ARHGAP26: variants seen among roughly 807,000 people sequenced by gnomAD.
The protein encoded by ARHGAP26 is Rho GTPase activating protein 26, also known as rho GTPase-activating protein 26.
A neutral mutation model predicts 104.8 loss-of-function variants in ARHGAP26; 38 were observed. That is an observed-to-expected ratio of 0.36 (90% CI 0.28 to 0.48). The LOEUF (loss-of-function observed/expected upper bound fraction) is 0.48. Among genes scored for constraint, ARHGAP26 ranks in the 20% least tolerant of loss-of-function variants. The probability of loss-of-function intolerance (pLI) is 0.99; values close to 1 mark genes in which losing one functional copy is unlikely to be tolerated. For synonymous variants in ARHGAP26, 341 were observed against 340.0 expected (o/e 1.00, Z -0.03); for missense variants, 704 against 947.9 (o/e 0.74, Z 3.38).
At chr5:142,793,548 A>G (rs1760320645) in intron 1 of ARHGAP26, among the ~76,000 whole-genome samples, 1 of 151,830 alleles carries the variant, frequency 6.6e-6, no homozygotes, top group East Asian at 1.9e-4. Flanking sequence ...AGGCAGTGCT[A>G]GTTATCACCA....
At chr5:142,850,546 G>A (rs1414579076) in intron 1 of ARHGAP26, among the ~76,000 whole-genome samples, 3 of 152,148 alleles carry the variant, frequency 2.0e-5, no homozygotes, top group East Asian at 3.8e-4. Context: ...ACAAACTTTC[G>A]AAGTTATTAG....
intron 10 of ARHGAP26, among the ~76,000 whole-genome samples, chr5:142,931,794 G>A (rs562237487): frequency 4.6e-5 from 7 of 152,250 alleles, no homozygotes; most frequent in Middle Eastern, 3.4e-3. Context: ...ACTCCTCTAC[G>A]TCCCTTACCT....
chr5:142,786,147 A>ATT (rs35617606), intron 1 of ARHGAP26, among the ~76,000 whole-genome samples: 10 of 138,754 alleles, frequency 7.2e-5, no homozygotes, highest in South Asian at 2.3e-4. Flanking sequence ...ATTAAAAAAC[A>ATT]TTTTTTTTTT....
At chr5:142,883,895 A>T (rs1474274016) in intron 4 of ARHGAP26, among the ~76,000 whole-genome samples, 1 of 152,140 alleles carries the variant, frequency 6.6e-6, no homozygotes, top group Non-Finnish European at 1.5e-5. Flanking sequence ...GAGGGTTGGG[A>T]CCATTTTTGT....
chr5:143,110,418 G>A (rs570371791), intron 17 of ARHGAP26, among the ~76,000 whole-genome samples: 1 of 152,166 alleles, frequency 6.6e-6, no homozygotes, highest in African/African-American at 2.4e-5. Context: ...CACTTTCTTC[G>A]TTGGGTAGAA....
At chr5:142,774,503 C>T (rs995514607) in intron 1 of ARHGAP26, among the ~76,000 whole-genome samples, 1 of 151,976 alleles carries the variant, frequency 6.6e-6, no homozygotes, top group Non-Finnish European at 1.5e-5. Context: ...CATACCTGTC[C>T]CTTCCAGTTG....
rs1554195775 is a variant in ARHGAP26 at position 143,012,577 on chromosome 5, T to TATATATATA, written c.1108-1501_1108-1500insATATATAAT. Among the ~76,000 whole-genome samples, 38 of 19,096 alleles carry TATATATATA rather than the reference T, an allele frequency of 2.0e-3. 2 individuals are homozygous for TATATATATA. Among genetic ancestry groups the TATATATATA allele is most frequent in the African/African-American group, 3.8e-3 (36 of 9,382 alleles). 12.5% of individuals were successfully genotyped at this position (19,096 alleles called of 152,430 possible). A position where few individuals can be genotyped will look rare whatever the true frequency, so the allele number is the denominator to read the frequency against. On this transcript the variant is annotated intron_variant, in intron 11 of 22. Transcript: ENST00000645722. ...CATATATATATATATATATATATAT[T>TATATATATA]ATGATCAGGTTCACCTTATGCCTTT...
At chr5:142,873,357 T>G in intron 1 of ARHGAP26, 43 bp from the exon 2 acceptor site, 1 of 1,496,854 alleles carries the variant, frequency 6.7e-7, no homozygotes, top group East Asian at 2.3e-5. Flanking sequence ...AAAGCCAGTT[T>G]AATTTTAGTA....
chr5:142,921,742 A>G (rs945409988), intron 10 of ARHGAP26: 2 of 156,074 alleles, frequency 1.3e-5, no homozygotes, highest in African/African-American at 4.8e-5. Context: ...GACTCTGGGT[A>G]AGTGGTTTAA....
intron 11 of ARHGAP26, among the ~76,000 whole-genome samples, chr5:142,934,098 C>T (rs1367081988): frequency 1.3e-5 from 2 of 152,254 alleles, no homozygotes; most frequent in African/African-American, 4.8e-5. Flanking sequence ...CCACTACTGT[C>T]TCTCCCCCTG....
At chr5:142,865,228 A>G (rs935663552) in intron 1 of ARHGAP26, among the ~76,000 whole-genome samples, 2 of 152,144 alleles carry the variant, frequency 1.3e-5, no homozygotes, top group Non-Finnish European at 2.9e-5. Flanking sequence ...TGACTAACTC[A>G]CTTGACACAG....
chr5:142,934,053 A>G (rs868614260), intron 11 of ARHGAP26, among the ~76,000 whole-genome samples: 2 of 152,184 alleles, frequency 1.3e-5, no homozygotes, highest in African/African-American at 4.8e-5. Context: ...TATGGGCAAA[A>G]AAAAGCCAAA....
Position 142,894,304 on chromosome 5 carries a change from G to T in ARHGAP26, c.553G>T (p.Val185Leu). 1 of 1,614,120 alleles carries T rather than the reference G, an allele frequency of 6.2e-7. No homozygotes were observed. The highest frequency in any genetic ancestry group is 8.5e-7 in the Non-Finnish European group (1 of 1,179,998). ...AGTATCCCTGGAATATGTCTTCAAG[G>T]TGCAGGAAGTCCAAGAGAGAAAGAT... ...YEVSLEYVFK[V>L]QEVQERKMFE... Residue 185 changes from valine (V) to leucine (L), a missense_variant, in exon 6 of 23, where the codon GTG (valine) becomes TTG (leucine). Val to Leu is a conservative substitution (Grantham distance 32, BLOSUM62 1). Coordinates refer to ENST00000645722, the MANE Select transcript of ARHGAP26 (RefSeq NM_001135608.3).
At chr5:143,127,872 G>A (rs538283737) in intron 18 of ARHGAP26, among the ~76,000 whole-genome samples, 2 of 152,338 alleles carry the variant, frequency 1.3e-5, no homozygotes, top group African/African-American at 4.8e-5. Context: ...TAATAAAAAG[G>A]TATGACTGGA....
At chr5:143,179,268 A>T (rs1358639490) in intron 20 of ARHGAP26, among the ~76,000 whole-genome samples, 2 of 152,186 alleles carry the variant, frequency 1.3e-5, no homozygotes, top group Non-Finnish European at 2.9e-5. Context: ...ATGAGGGCTT[A>T]TTCCTCTTCA....
At chr5:143,069,899 C>T (rs1464673268) in intron 17 of ARHGAP26, among the ~76,000 whole-genome samples, 1 of 152,186 alleles carries the variant, frequency 6.6e-6, no homozygotes, top group Non-Finnish European at 1.5e-5. Flanking sequence ...GGTTACACAG[C>T]TTGGTTCCCC....
intron 12 of ARHGAP26, among the ~76,000 whole-genome samples, chr5:143,032,985 AAC>A (rs1197932226): frequency 2.0e-5 from 3 of 152,204 alleles, no homozygotes; most frequent in South Asian, 4.1e-4. Flanking sequence ...TTGTTGGAGA[AAC>A]AGTTGTTTGA....
At chr5:143,058,775 T>C (rs1450836071) in intron 17 of ARHGAP26, among the ~76,000 whole-genome samples, 1 of 152,254 alleles carries the variant, frequency 6.6e-6, no homozygotes, top group African/African-American at 2.4e-5. Flanking sequence ...AAGAGTGATA[T>C]ATATCATGAA....
At chr5:142,866,586 G>T (rs1312906802) in intron 1 of ARHGAP26, among the ~76,000 whole-genome samples, 1 of 152,148 alleles carries the variant, frequency 6.6e-6, no homozygotes, top group Admixed American at 6.6e-5. Flanking sequence ...CATCTAAATA[G>T]AATTAGAAAC....
Sources: allele counts gnomAD v4.1 joint callset (sites outside exome capture counted in the v4.1 genomes callset), GRCh38; gene constraint gnomAD v4.1.1; transcripts MANE v1.5; gene names NCBI Gene and HGNC (gene_info 2026-07-23, HGNC 2026-07-21).